Variants in GLIS3 observed in about 807,000 individuals in gnomAD.
The protein encoded by GLIS3 is zinc finger protein GLIS3.
Under a neutral mutation model 78.6 loss-of-function variants are expected in GLIS3, and 53 were observed. The ratio of observed to expected loss-of-function variants is 0.67; its 90% CI spans 0.54 to 0.85. The LOEUF (loss-of-function observed/expected upper bound fraction) is 0.85, where lower values mean the gene tolerates loss of function less well. Ranked by LOEUF, GLIS3 falls within the 40% of genes least tolerant of loss-of-function variation. GLIS3 has a pLI of 0.00. For missense variants in GLIS3, 1,703 were observed against 1,231.1 expected (o/e 1.38, Z -5.74); for synonymous variants, 684 against 509.9 (o/e 1.34, Z -4.60).
At chr9:4,168,210 CAT>C (rs962039170) in intron 2 of GLIS3, among the ~76,000 whole-genome samples, 8 of 152,094 alleles carry the variant, frequency 5.3e-5, no homozygotes, top group Admixed American at 1.3e-4. Context: ...CACACACACA[CAT>C]ACATACACTT....
chr9:3,825,847 T>A lies in GLIS3; in HGVS notation c.*2425A>T, dbSNP rs1220667776. On this transcript the variant is annotated 3_prime_UTR_variant, in exon 11 of 11. Transcript: ENST00000381971. Reference sequence around the variant, plus strand: ...GCTGCACTGGGTCCTGTGGCCAGCATGCTCTCTCTGAGATAAAATGTCCCT... The same window carrying A: ...GCTGCACTGGGTCCTGTGGCCAGCAAGCTCTCTCTGAGATAAAATGTCCCT... 1 of 152,266 alleles carries A rather than the reference T, an allele frequency of 6.6e-6. No homozygotes were observed. The highest frequency in any genetic ancestry group is 2.4e-5 in the African/African-American group (1 of 41,434). 9.4% of individuals were successfully genotyped at this position (152,266 alleles called of 1,614,324 possible).
intron 4 of GLIS3, among the ~76,000 whole-genome samples, chr9:4,066,232 G>C (rs1032818702): frequency 1.3e-5 from 2 of 152,160 alleles, no homozygotes; most frequent in Non-Finnish European, 2.9e-5. Context: ...AGAAGCGAAA[G>C]AGACTCCAGC....
chr9:4,458,410 A>T, the GLIS3 span, among the ~76,000 whole-genome samples: 1 of 152,294 alleles, frequency 6.6e-6, no homozygotes, highest in African/African-American at 2.4e-5. Flanking sequence ...GGTAATTGCT[A>T]TGGAAAAAAT....
intron 4 of GLIS3, among the ~76,000 whole-genome samples, chr9:4,021,236 G>C (rs1445160630): frequency 6.6e-6 from 1 of 152,182 alleles, no homozygotes; most frequent in African/African-American, 2.4e-5. Flanking sequence ...AACTTTGGAG[G>C]ATGGTTCAAA....
Position 3,950,043 on chromosome 9 carries a change from C to G in GLIS3, c.1711-12854G>C, listed in dbSNP as rs143623602. Among the ~76,000 whole-genome samples the G allele has an allele frequency of 3.3e-5, 5 of 152,356 alleles. No individual in the cohort carries two copies. The East Asian group carries it at 9.6e-4, about 29-fold the overall frequency. On this transcript the variant is annotated intron_variant, in intron 4 of 10. Transcript: ENST00000381971. The stretch of plus-strand genomic sequence containing the variant: ...ATGACCTTTTCCCCCAGAGCCTTCA[C>G]TGCCTGCTCTCTATTCACCCAGCAG...
chr9:3,866,326 G>A (rs1426585180), intron 8 of GLIS3, among the ~76,000 whole-genome samples: 1 of 152,062 alleles, frequency 6.6e-6, no homozygotes, highest in Non-Finnish European at 1.5e-5. Flanking sequence ...TTAAAGCAGA[G>A]TTAAAGAGTA....
At chr9:4,388,022 A>T in the GLIS3 span, among the ~76,000 whole-genome samples, 1 of 152,234 alleles carries the variant, frequency 6.6e-6, no homozygotes, top group Non-Finnish European at 1.5e-5. Flanking sequence ...GTGGGTTAAA[A>T]GGAGCGAACC....
chr9:4,243,844 C>T (rs1222350939), intron 2 of GLIS3, among the ~76,000 whole-genome samples: 1 of 152,178 alleles, frequency 6.6e-6, no homozygotes, highest in Admixed American at 6.5e-5. Flanking sequence ...AAATCAAAAT[C>T]CCCACCTAAC....
intron 1 of GLIS3, among the ~76,000 whole-genome samples, chr9:4,293,417 T>A (rs1245534265): frequency 6.6e-6 from 1 of 152,218 alleles, no homozygotes; most frequent in Non-Finnish European, 1.5e-5. Flanking sequence ...GAAGTTAAAT[T>A]ATGTTCACTG....
chr9:4,155,215 G>A (rs1333447206), intron 2 of GLIS3, among the ~76,000 whole-genome samples: 1 of 152,124 alleles, frequency 6.6e-6, no homozygotes, highest in Non-Finnish European at 1.5e-5. Flanking sequence ...AAATACTAGT[G>A]TTAATGTGTA....
intron 1 of GLIS3, among the ~76,000 whole-genome samples, chr9:4,294,614 A>T (rs1026363297): frequency 2.0e-5 from 3 of 151,772 alleles, no homozygotes; most frequent in African/African-American, 7.3e-5. Context: ...TACTCTACAC[A>T]CCTCTCTTTC....
chr9:4,222,274 G>A (rs1821395547), intron 2 of GLIS3, among the ~76,000 whole-genome samples: 1 of 152,016 alleles, frequency 6.6e-6, no homozygotes, highest in Non-Finnish European at 1.5e-5. Flanking sequence ...TTCTCCTATT[G>A]CAACCCCAAA....
intron 2 of GLIS3, chr9:4,145,125 G>A (rs1332283023): frequency 6.6e-6 from 1 of 152,222 alleles, no homozygotes; most frequent in Non-Finnish European, 1.5e-5. Context: ...TGTGATTTTA[G>A]ACTTGGGCTC....
intron 1 of GLIS3, among the ~76,000 whole-genome samples, chr9:4,296,649 G>A (rs1484905999): frequency 2.0e-5 from 3 of 152,136 alleles, no homozygotes; most frequent in Admixed American, 1.3e-4. Flanking sequence ...GAACCAAGGG[G>A]AGAAGTTAAC....
intron 2 of GLIS3, among the ~76,000 whole-genome samples, chr9:4,189,002 T>A (rs926225672): frequency 1.3e-5 from 2 of 152,206 alleles, no homozygotes; most frequent in Non-Finnish European, 2.9e-5. Context: ...TTCCTTCAGT[T>A]CTGCTCTGAT....
At chr9:4,252,729 TC>T (rs1383447546) in intron 2 of GLIS3, among the ~76,000 whole-genome samples, 1 of 152,226 alleles carries the variant, frequency 6.6e-6, no homozygotes, top group Non-Finnish European at 1.5e-5. Context: ...GTGCTGGATT[TC>T]CCTCATCTTC....
chr9:4,316,573 C>T (rs1007440944), intron 2 of GLIS3, among the ~76,000 whole-genome samples: 3 of 152,092 alleles, frequency 2.0e-5, no homozygotes, highest in Non-Finnish European at 4.4e-5. Context: ...CTGGGTACTC[C>T]GGTTTCCACC....
chr9:4,460,276 T>C, the GLIS3 span, among the ~76,000 whole-genome samples: 390 of 152,330 alleles, frequency 2.6e-3, no homozygotes, highest in African/African-American at 8.4e-3. Flanking sequence ...ATCCCCTCCA[T>C]TGGTTCTATC....
chr9:4,107,512 G>C (rs922353601), intron 4 of GLIS3, among the ~76,000 whole-genome samples: 5 of 152,072 alleles, frequency 3.3e-5, no homozygotes, highest in African/African-American at 1.2e-4. Context: ...CAATCATAAG[G>C]AGTTAGCCAT....
Sources: allele counts gnomAD v4.1 joint callset (sites outside exome capture counted in the v4.1 genomes callset), GRCh38; gene constraint gnomAD v4.1.1; transcripts MANE v1.5; gene names NCBI Gene and HGNC (gene_info 2026-07-23, HGNC 2026-07-21).